Variants in CTNNA2 observed in about 807,000 individuals in gnomAD.
The protein encoded by CTNNA2 is catenin alpha-2.
Under a neutral mutation model 101.0 loss-of-function variants are expected in CTNNA2, and 42 were observed. That is an observed-to-expected ratio of 0.42 (90% confidence interval 0.32 to 0.54). The LOEUF (loss-of-function observed/expected upper bound fraction) is 0.54, where lower values mean the gene tolerates loss of function less well. Ranked by LOEUF, CTNNA2 falls within the 20% of genes least tolerant of loss-of-function variation. The pLI is 0.14. For synonymous variants in CTNNA2, 450 were observed against 456.4 expected (o/e 0.99, Z 0.18); for missense variants, 871 against 1,223.1 (o/e 0.71, Z 4.29).
At chr2:79,671,887 T>A (rs573191517) in intron 2 of CTNNA2, among the ~76,000 whole-genome samples, 1 of 152,312 alleles carries the variant, frequency 6.6e-6, no homozygotes, top group Admixed American at 6.5e-5. Context: ...AGGTAAAAGG[T>A]TTTCTTTTCT....
intron 1 of CTNNA2, among the ~76,000 whole-genome samples, chr2:79,519,088 G>A (rs1254804881): frequency 1.3e-5 from 2 of 151,960 alleles, no homozygotes; most frequent in East Asian, 1.9e-4. Context: ...AATTAGCCAG[G>A]CATGGTGACG....
chr2:79,918,113 TCAATAC>T (rs1686392143), intron 7 of CTNNA2, among the ~76,000 whole-genome samples: 1 of 152,050 alleles, frequency 6.6e-6, no homozygotes, highest in South Asian at 2.1e-4. Context: ...TATTGAACAA[TCAATAC>T]TTCTATCTCA....
At chr2:80,063,704 T>C (rs62141405) in intron 7 of CTNNA2, among the ~76,000 whole-genome samples, 12,556 of 152,354 alleles carry the variant, frequency 0.082, 787 homozygotes, top group South Asian at 0.28. Flanking sequence ...TGACAATGTG[T>C]ATCTTACAGC....
intron 2 of CTNNA2, among the ~76,000 whole-genome samples, chr2:79,652,402 G>A (rs1425623982): frequency 1.3e-5 from 2 of 152,020 alleles, no homozygotes; most frequent in Non-Finnish European, 2.9e-5. Context: ...CCTTCTGGAA[G>A]CTCTAGAAGA....
At chr2:80,083,447 A>G (rs540887115) in intron 7 of CTNNA2, among the ~76,000 whole-genome samples, 1 of 152,226 alleles carries the variant, frequency 6.6e-6, no homozygotes, top group Admixed American at 6.5e-5. Flanking sequence ...TAGAACCATT[A>G]AAGTTTCTGT....
chr2:80,290,470 G>C (rs917928080), intron 7 of CTNNA2, among the ~76,000 whole-genome samples: 1 of 152,050 alleles, frequency 6.6e-6, no homozygotes, highest in Non-Finnish European at 1.5e-5. Context: ...GGTGAGGTTG[G>C]TGAGGCTCCC....
chr2:80,573,635 G>T (rs1694792545), intron 12 of CTNNA2, among the ~76,000 whole-genome samples: 1 of 152,098 alleles, frequency 6.6e-6, no homozygotes, highest in Non-Finnish European at 1.5e-5. Context: ...TTGGGTTAAG[G>T]TCTGCTACTC....
chr2:79,934,210 T>C (rs1687635177), intron 7 of CTNNA2, among the ~76,000 whole-genome samples: 1 of 152,222 alleles, frequency 6.6e-6, no homozygotes, highest in Non-Finnish European at 1.5e-5. Flanking sequence ...AATTCTATTT[T>C]CTCTGACTTT....
intron 7 of CTNNA2, among the ~76,000 whole-genome samples, chr2:80,102,427 C>T (rs79327861): frequency 6.6e-6 from 1 of 152,072 alleles, no homozygotes; most frequent in African/African-American, 2.4e-5. Context: ...GTGCTTCCCT[C>T]GTTCTTTGAT....
chr2:79,417,439 G>A (rs1187136135), intron 4 of CTNNA2, among the ~76,000 whole-genome samples: 1 of 152,170 alleles, frequency 6.6e-6, no homozygotes, highest in Non-Finnish European at 1.5e-5. Flanking sequence ...TATAAGAAAG[G>A]ATTGTAAAAT....
chr2:80,322,615 T>C (rs1023690335), intron 7 of CTNNA2, among the ~76,000 whole-genome samples: 3 of 151,662 alleles, frequency 2.0e-5, no homozygotes, highest in Non-Finnish European at 2.9e-5. Flanking sequence ...CCGGCGCAGA[T>C]GCGCTGCCCC....
chr2:79,729,369 G>A (rs1159525891), intron 2 of CTNNA2, among the ~76,000 whole-genome samples: 1 of 151,954 alleles, frequency 6.6e-6, no homozygotes, highest in Non-Finnish European at 1.5e-5. Context: ...TTTCAGAATG[G>A]GAAGCTGAGT....
At chr2:79,346,285 T>C (rs1450896394) in intron 3 of CTNNA2, among the ~76,000 whole-genome samples, 1 of 152,160 alleles carries the variant, frequency 6.6e-6, no homozygotes, top group Non-Finnish European at 1.5e-5. Context: ...AGAGACAGAC[T>C]ATTATTATTA....
At chr2:80,436,631 T>G (rs978602178) in intron 9 of CTNNA2, among the ~76,000 whole-genome samples, 1 of 152,144 alleles carries the variant, frequency 6.6e-6, no homozygotes, top group African/African-American at 2.4e-5. Context: ...AGAAACTTAT[T>G]GCTCACAGTT....
intron 7 of CTNNA2, among the ~76,000 whole-genome samples, chr2:80,183,110 G>T (rs185655058): frequency 5.9e-5 from 9 of 152,120 alleles, no homozygotes; most frequent in Non-Finnish European, 1.3e-4. Context: ...TGTTATTCCT[G>T]GAAATTCTGC....
intron 9 of CTNNA2, among the ~76,000 whole-genome samples, chr2:80,489,995 A>G (rs1398138579): frequency 1.3e-5 from 2 of 152,176 alleles, no homozygotes; most frequent in Non-Finnish European, 2.9e-5. Context: ...ATCAGACCTG[A>G]GTTAAAGTTA....
At chr2:80,286,571 C>T (rs1674785300) in intron 7 of CTNNA2, among the ~76,000 whole-genome samples, 2 of 152,180 alleles carry the variant, frequency 1.3e-5, no homozygotes, top group South Asian at 4.1e-4. Context: ...CCAGTGTTTC[C>T]CTTTCATTTG....
intron 7 of CTNNA2, among the ~76,000 whole-genome samples, chr2:79,988,561 C>T (rs1222023655): frequency 2.6e-5 from 4 of 151,906 alleles, no homozygotes; most frequent in Non-Finnish European, 5.9e-5. Flanking sequence ...AACTCCACAT[C>T]TATATTTTTA....
chr2:80,092,367 A>G (rs943182042), intron 7 of CTNNA2, among the ~76,000 whole-genome samples: 3 of 152,158 alleles, frequency 2.0e-5, no homozygotes, highest in African/African-American at 7.2e-5. Context: ...TTCTAAATTC[A>G]GTAGAAAAAA....
Sources: allele counts gnomAD v4.1 joint callset (sites outside exome capture counted in the v4.1 genomes callset), GRCh38; gene constraint gnomAD v4.1.1; transcripts MANE v1.5; gene names NCBI Gene and HGNC (gene_info 2026-07-23, HGNC 2026-07-21).